The following RBMS3 variants were observed in gnomAD, a reference collection of about 807,000 sequenced individuals.
RBMS3 encodes the protein RNA-binding motif, single-stranded-interacting protein 3.
In RBMS3, 27 loss-of-function variants were observed where a neutral mutation model predicts 66.8. That is an observed-to-expected ratio of 0.40 (90% CI 0.30 to 0.56). The LOEUF (loss-of-function observed/expected upper bound fraction) is 0.56, where lower values mean the gene tolerates loss of function less well. Ranked by LOEUF, RBMS3 falls within the 20% of genes least tolerant of loss-of-function variation. The pLI is 0.40. For synonymous variants in RBMS3, 188 were observed against 183.0 expected, an observed-to-expected ratio of 1.03 and a Z score of -0.22; for missense variants, 513 against 549.5, an observed-to-expected ratio of 0.93 and a Z score of 0.66.
At chr3:29,921,223 T>C (rs921761344) in intron 10 of RBMS3, among the ~76,000 whole-genome samples, 2 of 151,596 alleles carry the variant, frequency 1.3e-5, no homozygotes, top group African/African-American at 4.9e-5. Context: ...CCACCACGCC[T>C]GGCTAATTTT....
intron 3 of RBMS3, among the ~76,000 whole-genome samples, chr3:29,512,815 A>G (rs2044467801): frequency 6.6e-6 from 1 of 152,306 alleles, no homozygotes; most frequent in Admixed American, 6.5e-5. Flanking sequence ...GGCATTTAGA[A>G]TGCATATATA....
intron 4 of RBMS3, among the ~76,000 whole-genome samples, chr3:29,715,931 A>G (rs1459917202): frequency 6.6e-6 from 1 of 151,984 alleles, no homozygotes; most frequent in Non-Finnish European, 1.5e-5. Flanking sequence ...ATGCCTTTTC[A>G]TGTTTTGTTC....
chr3:29,512,492 A>G (rs1559425461), intron 3 of RBMS3, among the ~76,000 whole-genome samples: 1 of 152,224 alleles, frequency 6.6e-6, no homozygotes, highest in African/African-American at 2.4e-5. Context: ...AGTAATTTAA[A>G]AAGTCTTAAA....
At chr3:29,511,165 C>T (rs931706386) in intron 3 of RBMS3, among the ~76,000 whole-genome samples, 1 of 152,092 alleles carries the variant, frequency 6.6e-6, no homozygotes. Flanking sequence ...GACATGGCGG[C>T]ATGCACCTGT....
intron 2 of RBMS3, among the ~76,000 whole-genome samples, chr3:29,452,385 G>C (rs1461914208): frequency 6.6e-6 from 1 of 151,978 alleles, no homozygotes; most frequent in African/African-American, 2.4e-5. Context: ...GCTTTGACCT[G>C]GTTCTATTTA....
intron 1 of RBMS3, among the ~76,000 whole-genome samples, chr3:29,361,572 C>G (rs1370921039): frequency 6.6e-6 from 1 of 152,090 alleles, no homozygotes; most frequent in Non-Finnish European, 1.5e-5. Context: ...TTCTCTGTAT[C>G]TCCTGAATTT....
chr3:29,957,862 A>C (rs1245405467), intron 12 of RBMS3, among the ~76,000 whole-genome samples: 1 of 152,032 alleles, frequency 6.6e-6, no homozygotes, highest in Non-Finnish European at 1.5e-5. Flanking sequence ...TCTTTGCTTT[A>C]TTTTTATTTT....
intron 1 of RBMS3, among the ~76,000 whole-genome samples, chr3:29,294,457 CAT>C (rs527736200): frequency 1.2e-4 from 17 of 142,188 alleles, no homozygotes; most frequent in Non-Finnish European, 1.8e-4. Context: ...AAAAAAAAAA[CAT>C]AGTACTGCAT....
chr3:29,714,342 T>C (rs1343912057), intron 4 of RBMS3, among the ~76,000 whole-genome samples: 2 of 152,210 alleles, frequency 1.3e-5, no homozygotes, highest in African/African-American at 2.4e-5. Flanking sequence ...ACTTCAAGTT[T>C]TGTGGCCTAT....
intron 1 of RBMS3, among the ~76,000 whole-genome samples, chr3:29,367,585 G>A (rs908100634): frequency 6.6e-5 from 10 of 151,974 alleles, no homozygotes; most frequent in African/African-American, 2.4e-4. Context: ...TACAAATAAA[G>A]CATAATACTC....
intron 6 of RBMS3, among the ~76,000 whole-genome samples, chr3:29,791,878 C>T (rs2057024008): frequency 6.6e-6 from 1 of 152,148 alleles, no homozygotes; most frequent in Admixed American, 6.5e-5. Flanking sequence ...TTGCCACTAT[C>T]ATATAATGGT....
intron 6 of RBMS3, among the ~76,000 whole-genome samples, chr3:29,834,879 A>C (rs1045614844): frequency 1.3e-5 from 2 of 152,008 alleles, no homozygotes. Context: ...ACTAAATACT[A>C]CTGTCCAAAA....
chr3:29,512,829 G>T (rs2148958311), intron 3 of RBMS3, among the ~76,000 whole-genome samples: 1 of 152,302 alleles, frequency 6.6e-6, no homozygotes, highest in Non-Finnish European at 1.5e-5. Context: ...ATATATATGA[G>T]CAGAGGAAAA....
intron 1 of RBMS3, among the ~76,000 whole-genome samples, chr3:29,282,969 C>A (rs2031942354): frequency 6.6e-6 from 1 of 152,120 alleles, no homozygotes; most frequent in Admixed American, 6.6e-5. Flanking sequence ...CCCTGCCCCT[C>A]CAAGGTCGAC....
chr3:29,430,778 C>CTATGCAATTGGAAAAACTGCTT (rs6147748), intron 1 of RBMS3, among the ~76,000 whole-genome samples: 4 of 151,762 alleles, frequency 2.6e-5, no homozygotes, highest in South Asian at 4.1e-4. Context: ...GTTTTAAAGG[C>CTATGCAATTGGAAAAACTGCTT]TAAACAAAGT....
chr3:29,731,407 A>C (rs1455227546), intron 4 of RBMS3, among the ~76,000 whole-genome samples: 1 of 152,232 alleles, frequency 6.6e-6, no homozygotes, highest in African/African-American at 2.4e-5. Flanking sequence ...ATCACCATGC[A>C]GAACTAACAA....
At chr3:29,496,195 C>CAAAAAAAAA (rs60639896) in intron 3 of RBMS3, among the ~76,000 whole-genome samples, 10 of 110,328 alleles carry the variant, frequency 9.1e-5, no homozygotes, top group African/African-American at 1.6e-4. Context: ...CCGCCCACAT[C>CAAAAAAAAA]AAAAAAAAAA....
At chr3:29,377,971 A>C (rs2038563116) in intron 1 of RBMS3, among the ~76,000 whole-genome samples, 1 of 152,156 alleles carries the variant, frequency 6.6e-6, no homozygotes. Flanking sequence ...TATTGATCCC[A>C]TTCCTGATAT....
At chr3:29,677,168 C>G (rs2051291638) in intron 4 of RBMS3, among the ~76,000 whole-genome samples, 1 of 152,090 alleles carries the variant, frequency 6.6e-6, no homozygotes, top group Non-Finnish European at 1.5e-5. Flanking sequence ...TCATGAGAAA[C>G]CACCCTCATA....
Sources: allele counts gnomAD v4.1 joint callset (sites outside exome capture counted in the v4.1 genomes callset), GRCh38; gene constraint gnomAD v4.1.1; transcripts MANE v1.5; gene names NCBI Gene and HGNC (gene_info 2026-07-23, HGNC 2026-07-21).